BICDL1: variants seen among roughly 807,000 people sequenced by gnomAD.
BICDL1 encodes BICD family-like cargo adapter 1.
In BICDL1, 20 loss-of-function variants were observed where a neutral mutation model predicts 76.8. The ratio of observed to expected loss-of-function variants is 0.26; its 90% CI spans 0.18 to 0.38. The LOEUF (loss-of-function observed/expected upper bound fraction) is 0.38. Among genes scored for constraint, BICDL1 ranks in the 10% least tolerant of loss-of-function variants. The pLI, the probability that BICDL1 is intolerant of heterozygous loss-of-function variation, is 1.00. For synonymous variants in BICDL1, 383 were observed against 337.1 expected (o/e 1.14, Z -1.49); for missense variants, 700 against 798.6 (o/e 0.88, Z 1.49).
At chr12:120,040,951 T>C (rs1952630508) in intron 2 of BICDL1, among the ~76,000 whole-genome samples, 1 of 152,102 alleles carries the variant, frequency 6.6e-6, no homozygotes, top group Admixed American at 6.6e-5. Flanking sequence ...TTCGCCATGT[T>C]GGCCAGGATG....
At chr12:119,996,694 AC>A (rs1951654133) in intron 1 of BICDL1, among the ~76,000 whole-genome samples, 1 of 152,116 alleles carries the variant, frequency 6.6e-6, no homozygotes, top group Admixed American at 6.6e-5. Context: ...ACACACACAC[AC>A]ACACACACGC....
At position 120,015,952 on chromosome 12, in the gene BICDL1, A is replaced by G. The variant is rs115133370; in HGVS notation, c.645+17216A>G. Among the ~76,000 whole-genome samples, 685 of 152,292 alleles carry G rather than the reference A, an allele frequency of 4.5e-3. 7 individuals carry two copies. Among genetic ancestry groups the G allele is most frequent in the African/African-American group, 0.015 (639 of 41,562 alleles). ...TCACCCACTGTAAATGTATAATTCAATTTTTAGCATATGTACAGAGTTGTG... is the reference window on the plus strand; with the variant it reads ...TCACCCACTGTAAATGTATAATTCAGTTTTTAGCATATGTACAGAGTTGTG... On this transcript the variant is annotated intron_variant, in intron 2 of 9. Transcript: ENST00000548673.
chr12:120,071,885 C>T lies in BICDL1; in HGVS notation c.1089+84C>T, dbSNP rs1193911418. ...CTCCTCCCTAGTGCTCAGCTGCCAT[C>T]CTGGCAAGGCTGTGCCCCTGTGCCT... On this transcript the variant is annotated intron_variant, in intron 5 of 9. Transcript: ENST00000548673. The surrounding 1 kb of genome is among the most constrained non-coding windows in gnomAD (Gnocchi z 4.8). 3 of 1,436,058 alleles carry T rather than the reference C, an allele frequency of 2.1e-6. No homozygotes were observed. Among genetic ancestry groups the T allele is most frequent in the Non-Finnish European group, 9.1e-7 (1 of 1,095,064 alleles). 89.0% of individuals were successfully genotyped at this position (1,436,058 alleles called of 1,614,324 possible). A position where few individuals can be genotyped will look rare whatever the true frequency, so the allele number is the denominator to read the frequency against.
In BICDL1 at chr12:120,072,548, G is replaced by A. The variant is rs764298075; in HGVS notation, c.1127G>A (p.Arg376His). ...CTCTGGGAAGCCTACTGCCAGGTTC[G>A]CTATCTGTGCTCACACCTTCGAGGC... is the stretch of plus-strand genomic sequence containing the variant. The part of the protein sequence containing the change: ...LQLWEAYCQV[R>H]YLCSHLRGND... Residue 376 changes from arginine to histidine, a missense_variant, in exon 6 of 10, where the codon CGC (arginine) becomes CAC (histidine). By Grantham distance (29) the Arg-to-His change is conservative. Transcript: ENST00000548673. 6 of 1,614,024 alleles carry A rather than the reference G, an allele frequency of 3.7e-6. No individual in the cohort carries two copies. The highest frequency in any genetic ancestry group is 1.7e-5 in the Admixed American group (1 of 60,002).
At position 120,072,599 on chromosome 12, in the gene BICDL1, C is replaced by T; in HGVS notation, c.1178C>T (p.Ser393Phe). 1 of 1,614,248 alleles carries T rather than the reference C, an allele frequency of 6.2e-7. No homozygotes were observed. The highest frequency in any genetic ancestry group is 8.5e-7 in the Non-Finnish European group (1 of 1,180,040). ...RGNDSADSAVSTDSSMDESSE... is the reference protein window; with the variant it reads ...RGNDSADSAVFTDSSMDESSE... ...AATGACAGTGCTGACTCAGCCGTCT[C>T]CACGGACTCCTCCATGGACGAGTCT... is the stretch of plus-strand genomic sequence containing the variant. Residue 393 changes from serine to phenylalanine, a missense_variant, in exon 6 of 10, where the codon TCC becomes TTC. Physicochemically the swap from Ser to Phe is radical, Grantham distance 155 (BLOSUM62 -2). This residue lies in a region of BICDL1 where 455 missense variants were observed against 548.7 expected (regional missense o/e 0.83). Transcript: ENST00000548673.
chr12:120,084,870 A>G (rs1420834152), intron 8 of BICDL1, among the ~76,000 whole-genome samples: 1 of 151,758 alleles, frequency 6.6e-6, no homozygotes, highest in Non-Finnish European at 1.5e-5. Context: ...AGCCTGGGCA[A>G]CAGAACGGGG....
chr12:119,992,574 G>A (rs1594082665), intron 1 of BICDL1: 1 of 152,128 alleles, frequency 6.6e-6, no homozygotes, highest in African/African-American at 2.4e-5. Flanking sequence ...TCGTAGAGAT[G>A]GGGTCTCACT....
intron 4 of BICDL1, among the ~76,000 whole-genome samples, chr12:120,066,089 T>G (rs1953214433): frequency 6.6e-6 from 1 of 152,222 alleles, no homozygotes; most frequent in East Asian, 1.9e-4. Flanking sequence ...CAGTGAACAT[T>G]TGTGTGCCTC....
At chr12:120,070,636 C>T (rs1873013131) in intron 4 of BICDL1, among the ~76,000 whole-genome samples, 1 of 152,050 alleles carries the variant, frequency 6.6e-6, no homozygotes, top group Admixed American at 6.6e-5. Flanking sequence ...TTCAGATTTT[C>T]ACTTGTCTTA....
At chr12:120,021,460 G>A (rs557328294) in intron 2 of BICDL1, among the ~76,000 whole-genome samples, 9 of 151,638 alleles carry the variant, frequency 5.9e-5, no homozygotes, top group Non-Finnish European at 1.3e-4. Flanking sequence ...GGTGGCACGC[G>A]CCTGTAGTCC....
In BICDL1 at chr12:120,059,570, G is replaced by A. The variant is rs150053416; in HGVS notation, c.646-2140G>A. ...ATTACAGGTGTGAGCCACCATGCCCGGCCTAATTTTTGTATTTTTAGTAGA... is the reference window on the plus strand; with the variant it reads ...ATTACAGGTGTGAGCCACCATGCCCAGCCTAATTTTTGTATTTTTAGTAGA... On this transcript the variant is annotated intron_variant, in intron 2 of 9. Transcript: ENST00000548673. Among the ~76,000 whole-genome samples the A allele has an allele frequency of 1.6e-3, 249 of 151,962 alleles. 3 individuals are homozygous for A. Among genetic ancestry groups the A allele is most frequent in the African/African-American group, 5.8e-3 (240 of 41,454 alleles).
intron 2 of BICDL1, among the ~76,000 whole-genome samples, chr12:120,029,088 G>C (rs1189598699): frequency 6.6e-6 from 1 of 152,174 alleles, no homozygotes. Context: ...TGCCTGCTGA[G>C]CAAAAGCAGG....
At chr12:120,016,434 CT>C (rs1174613877) in intron 2 of BICDL1, among the ~76,000 whole-genome samples, 15,461 of 96,082 alleles carry the variant, frequency 0.16, 398 homozygotes, top group East Asian at 0.25. Flanking sequence ...TGTCTGTAAC[CT>C]TTTTTTTTTT....
At chr12:120,019,326 T>C (rs1952132849) in intron 2 of BICDL1, 1 of 152,226 alleles carries the variant, frequency 6.6e-6, no homozygotes, top group Non-Finnish European at 1.5e-5. Flanking sequence ...CTCATTTATT[T>C]ATATTTCTTT....
chr12:120,073,904 C>A (rs191891252), intron 6 of BICDL1, among the ~76,000 whole-genome samples: 4 of 152,260 alleles, frequency 2.6e-5, no homozygotes, highest in Non-Finnish European at 1.5e-5. Flanking sequence ...TGAAATTGAG[C>A]AATCTCTTTT....
chr12:120,012,338 G>A (rs1168096227), intron 2 of BICDL1, among the ~76,000 whole-genome samples: 1 of 152,210 alleles, frequency 6.6e-6, no homozygotes, highest in African/African-American at 2.4e-5. Flanking sequence ...GGTTTTATGA[G>A]GTTGACATTC....
In BICDL1 at chr12:119,998,541, T is replaced by C; in HGVS notation, c.450T>C (p.His150=). The C allele has an allele frequency of 6.2e-7, 1 of 1,609,194 alleles. No individual in the cohort carries two copies. The highest frequency in any genetic ancestry group is 8.5e-7 in the Non-Finnish European group (1 of 1,177,874). ...DKLEHLEQEK[H]ELRRRFENRE... ...CCCAGCACTTAGAGCAAGAGAAACATGAATTGAGAAGACGATTTGAGAACC... is the reference window on the plus strand; with the variant it reads ...CCCAGCACTTAGAGCAAGAGAAACACGAATTGAGAAGACGATTTGAGAACC... The change falls in exon 2 of 10, where the codon CAT becomes CAC. Residue 150 remains histidine (H), a synonymous_variant. Transcript: ENST00000548673.
chr12:120,064,230 T>G (rs1454891020), intron 3 of BICDL1, among the ~76,000 whole-genome samples: 1 of 152,038 alleles, frequency 6.6e-6, no homozygotes, highest in Non-Finnish European at 1.5e-5. Context: ...AGCTGTGACC[T>G]CTAGTGCCAG....
At position 120,071,669 on chromosome 12, in the gene BICDL1, A is replaced by G. The variant is rs759428499; in HGVS notation, c.957A>G (p.Arg319=). 3 of 1,612,596 alleles carry G rather than the reference A, an allele frequency of 1.9e-6. No individual in the cohort carries two copies. In the East Asian group the frequency reaches 6.7e-5, roughly 36 times the overall value. ...LELQEVRLSC[R]QLQVKVEELT... is the part of the protein sequence containing the mutation. ...TTCAGGAGGTGCGTCTCTCCTGCCG[A>G]CAGCTGCAGGTGAAGGTGGAAGAAC... The change falls in exon 5 of 10, where the codon CGA becomes CGG. Residue 319 remains arginine (R), a synonymous_variant. Transcript: ENST00000548673. This position sits in a 1 kb window ranked among gnomAD's most constrained non-coding sequence, Gnocchi z 4.8.
Sources: gnomAD v4.1 joint callset for allele counts (sites outside exome capture counted in the v4.1 genomes callset) on GRCh38, gnomAD v4.1.1 for gene constraint, gnomAD v4.1.1 regional missense constraint, Gnocchi (gnomAD v3.1) non-coding constraint, MANE v1.5 for transcripts, NCBI Gene and HGNC (gene_info 2026-07-23, HGNC 2026-07-21) for gene names.